ROCK2: variants seen among roughly 807,000 people sequenced by gnomAD.
ROCK2 encodes the protein rho-associated protein kinase 2.
ROCK2 carries 61 observed loss-of-function variants against 195.1 expected under a neutral mutation model. The ratio of observed to expected loss-of-function variants is 0.31; its 90% CI spans 0.25 to 0.39. The LOEUF (loss-of-function observed/expected upper bound fraction) is 0.39, where lower values mean the gene tolerates loss of function less well. Among genes scored for constraint, ROCK2 ranks in the 10% least tolerant of loss-of-function variants. The pLI is 1.00. For missense variants in ROCK2, 1,109 were observed against 1,637.4 expected, an observed-to-expected ratio of 0.68 and a Z score of 5.57; for synonymous variants, 504 against 545.5, an observed-to-expected ratio of 0.92 and a Z score of 1.06.
chr2:11,274,183 C>T (rs1051891506), intron 3 of ROCK2, among the ~76,000 whole-genome samples: 1 of 151,546 alleles, frequency 6.6e-6, no homozygotes, highest in South Asian at 2.1e-4. Context: ...AAAAACGAAA[C>T]TTTACAATTT....
chr2:11,303,554 G>T (rs1343395038), intron 1 of ROCK2, among the ~76,000 whole-genome samples: 2 of 151,830 alleles, frequency 1.3e-5, no homozygotes, highest in Non-Finnish European at 2.9e-5. Flanking sequence ...TCTTCTCGCC[G>T]CCTTCTCTAC....
In ROCK2 at chr2:11,201,814, T is replaced by C. The variant is rs1451632917; in HGVS notation, c.2619+238A>G. Among the ~76,000 whole-genome samples the C allele has an allele frequency of 2.0e-5, 3 of 152,234 alleles. No individual in the cohort carries two copies. The highest frequency in any genetic ancestry group is 7.2e-5 in the African/African-American group (3 of 41,454). ...ACAACTATTAAAATGATAATTTTAT[T>C]ACAATTTTATTTCTTGCATTATGAA... On this transcript the variant is annotated intron_variant, in intron 21 of 32. Coordinates refer to ENST00000315872, the MANE Select transcript of ROCK2 (RefSeq NM_004850.5). This position sits in a 1 kb window ranked among gnomAD's most constrained non-coding sequence, Gnocchi z 4.6.
rs144200416 is a variant in ROCK2, at chr2:11,277,724, C to T, written c.324+8815G>A. Among the ~76,000 whole-genome samples, 576 of 152,258 alleles carry T rather than the reference C, an allele frequency of 3.8e-3. 14 individuals are homozygous for T. The highest frequency in any genetic ancestry group is 0.035 in the Admixed American group (539 of 15,290). ...ACATAGCACAATTTCTTTATCCACTCGTTGACTGATGGGCATTTGGGTTGG... is the reference window on the plus strand; with the variant it reads ...ACATAGCACAATTTCTTTATCCACTTGTTGACTGATGGGCATTTGGGTTGG... On this transcript the variant is annotated intron_variant, in intron 3 of 32. Coordinates refer to ENST00000315872, the MANE Select transcript of ROCK2 (RefSeq NM_004850.5).
At chr2:11,219,466 G>A (rs1246321284) in intron 9 of ROCK2, among the ~76,000 whole-genome samples, 7 of 151,832 alleles carry the variant, frequency 4.6e-5, no homozygotes, top group South Asian at 2.1e-4. Context: ...AGCTGAGATC[G>A]CACCACTGCA....
chr2:11,216,572 G>A (rs550411336), intron 12 of ROCK2, among the ~76,000 whole-genome samples: 7 of 149,338 alleles, frequency 4.7e-5, no homozygotes, highest in South Asian at 4.2e-4. Flanking sequence ...GTGCAGTGGC[G>A]CAATCTCAGC....
intron 13 of ROCK2, 91 bp from the exon 14 acceptor site, chr2:11,215,736 G>T: frequency 8.9e-7 from 1 of 1,122,188 alleles, no homozygotes; most frequent in Non-Finnish European, 1.2e-6. Flanking sequence ...AGATAAAAAA[G>T]ATCTCAAAAA....
chr2:11,255,956 G>GAAAAAAAAAAAA (rs1666019736), intron 3 of ROCK2, among the ~76,000 whole-genome samples: 1 of 115,300 alleles, frequency 8.7e-6, no homozygotes. Context: ...AAAAAAAAAG[G>GAAAAAAAAAAAA]AAACTATATG....
At chr2:11,202,520 C>T (rs566157382) in intron 20 of ROCK2, among the ~76,000 whole-genome samples, 8 of 151,310 alleles carry the variant, frequency 5.3e-5, no homozygotes, top group East Asian at 1.9e-4. Context: ...GTTTTTGAGA[C>T]GGAGTCTCAC....
In ROCK2 at chr2:11,252,404, AG is replaced by A. The variant is rs1485649200; in HGVS notation, c.325-2607del. Among the ~76,000 whole-genome samples the A allele has an allele frequency of 3.2e-3, 481 of 148,410 alleles. 2 individuals carry two copies. The highest frequency in any genetic ancestry group is 0.011 in the African/African-American group (429 of 40,444). On this transcript the variant is annotated intron_variant, in intron 3 of 32. Coordinates refer to ENST00000315872, the MANE Select transcript of ROCK2 (RefSeq NM_004850.5). ...CCAGCCTGGGTGAAAAAAAAAAAAA[AG>A]ATCTAGAACCAGAAATACCATTTGA...
intron 32 of ROCK2, among the ~76,000 whole-genome samples, chr2:11,190,520 CAT>C (rs1205335877): frequency 1.3e-5 from 2 of 152,002 alleles, no homozygotes; most frequent in Non-Finnish European, 2.9e-5. Flanking sequence ...AAACTAATTC[CAT>C]ATATGTTATC....
chr2:11,336,566 A>C (rs1466776265), intron 1 of ROCK2, among the ~76,000 whole-genome samples: 1 of 151,164 alleles, frequency 6.6e-6, no homozygotes, highest in Non-Finnish European at 1.5e-5. Context: ...ATGACTTTTG[A>C]ATTGAGCATG....
At chr2:11,218,379 A>G (rs925446674) in intron 11 of ROCK2, 76 bp downstream of exon 11, 1 of 1,123,464 alleles carries the variant, frequency 8.9e-7, no homozygotes, top group East Asian at 2.4e-5. Flanking sequence ...GCTAGGTAGG[A>G]TATGACTATA....
At position 11,201,919 on chromosome 2, in the gene ROCK2, G is replaced by C; in HGVS notation, c.2619+133C>G. The C allele has an allele frequency of 1.5e-6, 1 of 645,578 alleles. No homozygotes were observed. Among genetic ancestry groups the C allele is most frequent in the Non-Finnish European group, 2.8e-6 (1 of 363,172 alleles). The allele number at this position is 645,578 out of a possible 1,614,324, so 40.0% of individuals were successfully genotyped here. ...TGCTTAGAATTATTTTTCTAGCAATGATAATAAATTTCTCTTAAACTATCT... is the reference window on the plus strand; with the variant it reads ...TGCTTAGAATTATTTTTCTAGCAATCATAATAAATTTCTCTTAAACTATCT... On this transcript the variant is annotated intron_variant, in intron 21 of 32. Transcript: ENST00000315872. The surrounding 1 kb of genome is among the most constrained non-coding windows in gnomAD (Gnocchi z 4.6).
intron 4 of ROCK2, among the ~76,000 whole-genome samples, chr2:11,244,524 G>C (rs1665544090): frequency 6.6e-6 from 1 of 152,080 alleles, no homozygotes; most frequent in South Asian, 2.1e-4. Flanking sequence ...CCAGTGCTTT[G>C]GTAAGCAGAG....
intron 32 of ROCK2, among the ~76,000 whole-genome samples, chr2:11,186,373 T>C (rs557926744): frequency 3.9e-5 from 6 of 152,216 alleles, no homozygotes; most frequent in Non-Finnish European, 8.8e-5. Flanking sequence ...ACCTTTGAAG[T>C]GTGTGCCAGT....
chr2:11,320,086 G>C (rs1668354668), intron 1 of ROCK2, among the ~76,000 whole-genome samples: 1 of 152,044 alleles, frequency 6.6e-6, no homozygotes, highest in Admixed American at 6.6e-5. Context: ...AAAAGGCAAT[G>C]GCAAGAAAAG....
rs1490072777 is a variant in ROCK2 at position 11,344,460 on chromosome 2, G to A, written c.-324C>T. 7 of 1,013,800 alleles carry A rather than the reference G, an allele frequency of 6.9e-6. No homozygotes were observed. The African/African-American group carries it at 8.6e-5, about 12-fold the overall frequency. The allele number at this position is 1,013,800 out of a possible 1,614,324, so 62.8% of individuals were successfully genotyped here. A position where few individuals can be genotyped will look rare whatever the true frequency, so the allele number is the denominator to read the frequency against. On this transcript the variant is annotated 5_prime_UTR_variant, in exon 1 of 33. Coordinates refer to ENST00000315872, the MANE Select transcript of ROCK2 (RefSeq NM_004850.5). This position sits in a 1 kb window ranked among gnomAD's most constrained non-coding sequence, Gnocchi z 5.4. ...GCAGGAGTCCTCGGGCGGGAGCAGGGAAGTGGCGCCGCCACCGCCGCGGCC... is the reference window on the plus strand; with the variant it reads ...GCAGGAGTCCTCGGGCGGGAGCAGGAAAGTGGCGCCGCCACCGCCGCGGCC...
chr2:11,284,369 T>C (rs1667114612), intron 3 of ROCK2, among the ~76,000 whole-genome samples: 1 of 152,160 alleles, frequency 6.6e-6, no homozygotes, highest in Non-Finnish European at 1.5e-5. Context: ...TACACCACCA[T>C]GAGCAAGCCC....
chr2:11,240,464 A>C (rs1415431800), intron 4 of ROCK2, among the ~76,000 whole-genome samples: 2 of 152,260 alleles, frequency 1.3e-5, no homozygotes, highest in East Asian at 3.8e-4. Flanking sequence ...CAAACGTTAC[A>C]ATGTGGATGA....
Sources: gnomAD v4.1 joint callset for allele counts (sites outside exome capture counted in the v4.1 genomes callset) on GRCh38, gnomAD v4.1.1 for gene constraint, Gnocchi (gnomAD v3.1) non-coding constraint, MANE v1.5 for transcripts, NCBI Gene and HGNC (gene_info 2026-07-23, HGNC 2026-07-21) for gene names.